Variants in RASGRF2 observed in about 807,000 individuals in gnomAD.
RASGRF2 encodes Ras protein specific guanine nucleotide releasing factor 2.
Under a neutral mutation model 151.0 loss-of-function variants are expected in RASGRF2, and 76 were observed. That is an observed-to-expected ratio of 0.50 (90% CI 0.42 to 0.61). RASGRF2 has a LOEUF of 0.61. RASGRF2 is among the 20% of genes least tolerant of loss of function. The probability of loss-of-function intolerance (pLI) is 0.00; values close to 1 mark genes in which losing one functional copy is unlikely to be tolerated. For synonymous variants in RASGRF2, 504 were observed against 566.5 expected (o/e 0.89, Z 1.57); for missense variants, 1,148 against 1,564.6 (o/e 0.73, Z 4.49).
chr5:81,108,062 G>A (rs1752891955), intron 12 of RASGRF2, among the ~76,000 whole-genome samples: 1 of 152,216 alleles, frequency 6.6e-6, no homozygotes, highest in African/African-American at 2.4e-5. Context: ...TTGGTGTTTA[G>A]GGTAGACCCT....
chr5:81,153,290 G>A (rs60501065), intron 17 of RASGRF2, among the ~76,000 whole-genome samples: 2,072 of 152,292 alleles, frequency 0.014, 19 homozygotes, highest in Middle Eastern at 0.041. Flanking sequence ...TCAGCTGATC[G>A]TCAGATAGGA....
In RASGRF2 at chr5:81,087,435, C is replaced by T. The variant is rs977283949; in HGVS notation, c.1390+482C>T. ...CCGCCCCACACGATATAATTTGATT[C>T]AACTGGTAACTCCCGTTGCCAGATG... On this transcript the variant is annotated intron_variant, in intron 9 of 26. Coordinates refer to ENST00000265080, the MANE Select transcript of RASGRF2 (RefSeq NM_006909.3). The T allele has an allele frequency of 4.6e-6, 3 of 658,330 alleles. No individual in the cohort carries two copies. The African/African-American group carries it at 5.4e-5, about 12-fold the overall frequency. The allele number at this position is 658,330 out of a possible 1,614,324, so 40.8% of individuals were successfully genotyped here.
intron 7 of RASGRF2, among the ~76,000 whole-genome samples, chr5:81,084,611 C>A (rs969860249): frequency 6.6e-6 from 1 of 152,154 alleles, no homozygotes; most frequent in Non-Finnish European, 1.5e-5. Context: ...TGTGTCTATG[C>A]ATAGTGTGTA....
intron 1 of RASGRF2, among the ~76,000 whole-genome samples, chr5:81,013,788 C>G (rs1749545584): frequency 6.6e-6 from 1 of 152,070 alleles, no homozygotes. Context: ...AAATGACTCT[C>G]TGCAGTTGGT....
chr5:80,963,217 C>G (rs1177297724), intron 1 of RASGRF2, among the ~76,000 whole-genome samples: 2 of 152,202 alleles, frequency 1.3e-5, no homozygotes, highest in African/African-American at 4.8e-5. Flanking sequence ...TTAGATCATC[C>G]AGACACTGAG....
intron 26 of RASGRF2, 127 bp from the exon 27 acceptor site, chr5:81,225,551 G>A: frequency 1.1e-6 from 1 of 894,668 alleles, no homozygotes; most frequent in Non-Finnish European, 1.6e-6. Flanking sequence ...ACATATTTAT[G>A]ATTTTTTGGT....
intron 1 of RASGRF2, among the ~76,000 whole-genome samples, chr5:80,976,240 AATG>A (rs35665143): frequency 0.016 from 2,478 of 152,280 alleles, 26 homozygotes; most frequent in Non-Finnish European, 0.025. Flanking sequence ...CTCTTTGTTT[AATG>A]CTAATTTGGG....
intron 12 of RASGRF2, among the ~76,000 whole-genome samples, chr5:81,103,299 G>T (rs537553613): frequency 1.3e-5 from 2 of 151,608 alleles, no homozygotes; most frequent in East Asian, 1.9e-4. Flanking sequence ...TAGAATATAG[G>T]TATAGCTATA....
chr5:81,087,918 G>A (rs1752286201), intron 9 of RASGRF2: 1 of 152,522 alleles, frequency 6.6e-6, no homozygotes, highest in Non-Finnish European at 1.5e-5. Flanking sequence ...ACAAGACAAT[G>A]TTTTGTGCAC....
intron 5 of RASGRF2, among the ~76,000 whole-genome samples, chr5:81,076,096 G>C (rs1483285390): frequency 6.6e-6 from 1 of 152,162 alleles, no homozygotes; most frequent in East Asian, 1.9e-4. Flanking sequence ...ATTGACCATG[G>C]GTTTAACAAC....
chr5:81,026,458 G>C (rs1029239948), intron 1 of RASGRF2, among the ~76,000 whole-genome samples: 1 of 151,976 alleles, frequency 6.6e-6, no homozygotes, highest in African/African-American at 2.4e-5. Flanking sequence ...ATTTACATAT[G>C]TACCCACACT....
chr5:81,079,340 G>T (rs16878414), intron 5 of RASGRF2, among the ~76,000 whole-genome samples: 2 of 152,030 alleles, frequency 1.3e-5, no homozygotes, highest in African/African-American at 4.8e-5. Context: ...GTTTTATTTC[G>T]TGGACCATTT....
chr5:81,059,984 C>G (rs147768784), intron 2 of RASGRF2, among the ~76,000 whole-genome samples: 1 of 152,338 alleles, frequency 6.6e-6, no homozygotes, highest in South Asian at 2.1e-4. Flanking sequence ...CCGCAGGAAG[C>G]TTTTACTCAT....
At chr5:81,088,847 G>A (rs1037500200) in intron 9 of RASGRF2, among the ~76,000 whole-genome samples, 2 of 152,076 alleles carry the variant, frequency 1.3e-5, no homozygotes, top group African/African-American at 4.8e-5. Context: ...ACTGCAATTG[G>A]AGAGAAAACA....
At chr5:80,978,392 T>A (rs1255123255) in intron 1 of RASGRF2, among the ~76,000 whole-genome samples, 4 of 152,232 alleles carry the variant, frequency 2.6e-5, no homozygotes, top group Non-Finnish European at 1.5e-5. Context: ...TAAAATATTC[T>A]GAAATCCCAT....
chr5:81,060,862 A>G (rs1285015345), intron 2 of RASGRF2, among the ~76,000 whole-genome samples: 1 of 152,144 alleles, frequency 6.6e-6, no homozygotes, highest in Admixed American at 6.5e-5. Context: ...AATCACCCAT[A>G]ATTGCTCCAG....
intron 17 of RASGRF2, among the ~76,000 whole-genome samples, chr5:81,175,739 G>A (rs1474816859): frequency 2.4e-5 from 3 of 123,934 alleles, no homozygotes; most frequent in Non-Finnish European, 3.2e-5. Context: ...TGGGCAACTA[G>A]AGCGAAACTC....
rs533108589 is a variant in RASGRF2, at chr5:81,164,909, C to T, written c.2687-15266C>T. On this transcript the variant is annotated intron_variant, in intron 17 of 26. Transcript: ENST00000265080. ...ATATGTTTTAAGAGTTTTCAGTAAT[C>T]TGTGTTGAAAGTTTTCAACATTGAG... 2.6e-5 allele frequency among the ~76,000 whole-genome samples: 4 copies of T among 152,306 alleles called. 1 individual carries two copies. In the East Asian group the frequency reaches 5.8e-4, roughly 22 times the overall value.
intron 1 of RASGRF2, among the ~76,000 whole-genome samples, chr5:81,035,375 C>T (rs1490514098): frequency 6.6e-6 from 1 of 152,108 alleles, no homozygotes; most frequent in Admixed American, 6.6e-5. Flanking sequence ...GAAAATCAAA[C>T]ACCACGTGTT....
Sources: allele counts gnomAD v4.1 joint callset (sites outside exome capture counted in the v4.1 genomes callset), GRCh38; gene constraint gnomAD v4.1.1; transcripts MANE v1.5; gene names NCBI Gene and HGNC (gene_info 2026-07-23, HGNC 2026-07-21).